MAPK10: variants seen among roughly 807,000 people sequenced by gnomAD.
MAPK10 encodes JNK3 alpha protein kinase.
In MAPK10, 25 loss-of-function variants were observed where a neutral mutation model predicts 59.3. That is an observed-to-expected ratio of 0.42 (90% CI 0.31 to 0.59). The LOEUF (loss-of-function observed/expected upper bound fraction) is 0.59, where lower values mean the gene tolerates loss of function less well. Ranked by LOEUF, MAPK10 falls within the 20% of genes least tolerant of loss-of-function variation. MAPK10 has a pLI of 0.15. For synonymous variants in MAPK10, 190 were observed against 200.5 expected (o/e 0.95, Z 0.44); for missense variants, 351 against 568.9 (o/e 0.62, Z 3.90).
At chr4:86,344,726 T>C (rs1727118773) in intron 2 of MAPK10, among the ~76,000 whole-genome samples, 1 of 152,120 alleles carries the variant, frequency 6.6e-6, no homozygotes. Context: ...AATCTGCCCA[T>C]TGAAAATGTC....
intron 11 of MAPK10, among the ~76,000 whole-genome samples, chr4:86,059,530 G>T (rs1243656285): frequency 6.6e-6 from 1 of 152,038 alleles, no homozygotes; most frequent in Non-Finnish European, 1.5e-5. Flanking sequence ...TGTTTCCCAG[G>T]TTATACTCTC....
chr4:86,567,985 C>G (rs4452393), intron 1 of MAPK10, among the ~76,000 whole-genome samples: 34,312 of 152,042 alleles, frequency 0.23, 4,589 homozygotes, highest in Admixed American at 0.3. Context: ...GGCATCCAAA[C>G]TGAAAAAGAG....
intron 1 of MAPK10, among the ~76,000 whole-genome samples, chr4:86,397,618 A>T (rs1743113022): frequency 6.6e-6 from 1 of 151,896 alleles, no homozygotes; most frequent in African/African-American, 2.4e-5. Flanking sequence ...CGGGTGTGAG[A>T]TCCCTTCTTT....
chr4:86,174,793 T>C (rs2075302390), intron 3 of MAPK10, among the ~76,000 whole-genome samples: 1 of 152,148 alleles, frequency 6.6e-6, no homozygotes, highest in African/African-American at 2.4e-5. Context: ...CACTGAGATT[T>C]GGAGTCTATT....
chr4:86,074,092 T>A (rs960073933), intron 9 of MAPK10, among the ~76,000 whole-genome samples: 1 of 108,858 alleles, frequency 9.2e-6, no homozygotes, highest in Middle Eastern at 3.9e-3. Flanking sequence ...ATTGGGTGCA[T>A]ATATATTTAG....
At chr4:86,485,982 G>A (rs561028302) in intron 1 of MAPK10, among the ~76,000 whole-genome samples, 1 of 152,326 alleles carries the variant, frequency 6.6e-6, no homozygotes, top group Admixed American at 6.5e-5. Flanking sequence ...TGCTATTTAA[G>A]CCCTCCAGTC....
At chr4:86,462,194 T>C (rs1275180977) in intron 1 of MAPK10, among the ~76,000 whole-genome samples, 1 of 152,224 alleles carries the variant, frequency 6.6e-6, no homozygotes, top group African/African-American at 2.4e-5. Context: ...CTGTGGACCC[T>C]TGCCAGCGGG....
intron 1 of MAPK10, among the ~76,000 whole-genome samples, chr4:86,578,658 CTTAA>C (rs1762059824): frequency 6.6e-6 from 1 of 151,590 alleles, no homozygotes; most frequent in African/African-American, 2.4e-5. Context: ...TAATTTTCAG[CTTAA>C]TTATTGTTTT....
intron 1 of MAPK10, among the ~76,000 whole-genome samples, chr4:86,422,507 A>G (rs1331204996): frequency 6.6e-6 from 1 of 152,212 alleles, no homozygotes; most frequent in African/African-American, 2.4e-5. Context: ...AAATGACAAC[A>G]TACTGTATCC....
chr4:86,212,336 A>G (rs2086074458), intron 2 of MAPK10, among the ~76,000 whole-genome samples: 1 of 151,960 alleles, frequency 6.6e-6, no homozygotes, highest in Non-Finnish European at 1.5e-5. Flanking sequence ...TGGGCAACAT[A>G]TCAAGACCTT....
At chr4:86,584,110 A>C (rs896105194) in intron 1 of MAPK10, among the ~76,000 whole-genome samples, 1 of 152,110 alleles carries the variant, frequency 6.6e-6, no homozygotes, top group Non-Finnish European at 1.5e-5. Flanking sequence ...TTTATTAGAG[A>C]CTTTGTGATA....
intron 1 of MAPK10, chr4:86,358,281 A>T (rs761524967): frequency 3.3e-5 from 33 of 985,320 alleles, no homozygotes; most frequent in Non-Finnish European, 3.9e-5. Flanking sequence ...TATGTTGATA[A>T]GCATTCTGTG....
chr4:86,450,887 C>T (rs1282499835), intron 1 of MAPK10, among the ~76,000 whole-genome samples: 1 of 152,104 alleles, frequency 6.6e-6, no homozygotes, highest in Non-Finnish European at 1.5e-5. Flanking sequence ...GTATTCTTTC[C>T]ATTAAAAGTT....
intron 4 of MAPK10, among the ~76,000 whole-genome samples, chr4:86,146,718 A>G (rs1358588745): frequency 2.6e-5 from 4 of 152,164 alleles, no homozygotes; most frequent in African/African-American, 9.7e-5. Flanking sequence ...TCTTTCCCCT[A>G]TCTACTTCCA....
chr4:86,133,912 G>C (rs941860936), intron 4 of MAPK10, among the ~76,000 whole-genome samples: 1 of 152,152 alleles, frequency 6.6e-6, no homozygotes, highest in African/African-American at 2.4e-5. Context: ...TGTAATCTTA[G>C]AATGGGATGA....
At chr4:86,262,700 A>C (rs2094051747) in intron 2 of MAPK10, among the ~76,000 whole-genome samples, 1 of 152,166 alleles carries the variant, frequency 6.6e-6, no homozygotes, top group African/African-American at 2.4e-5. Context: ...ACAGTGAAAA[A>C]AGGAAGCTAG....
chr4:86,091,132 T>C (rs1047192551), intron 9 of MAPK10: 1 of 151,964 alleles, frequency 6.6e-6, no homozygotes, highest in Admixed American at 6.6e-5. Context: ...CACAACTGCC[T>C]GGTACATAGC....
chr4:86,116,215 G>A (rs2058271627), intron 4 of MAPK10, among the ~76,000 whole-genome samples: 1 of 152,156 alleles, frequency 6.6e-6, no homozygotes, highest in Non-Finnish European at 1.5e-5. Context: ...AAATAAGAAA[G>A]TACCTTTCCA....
intron 2 of MAPK10, among the ~76,000 whole-genome samples, chr4:86,209,945 A>G (rs2085311888): frequency 1.3e-5 from 2 of 152,140 alleles, no homozygotes; most frequent in African/African-American, 4.8e-5. Flanking sequence ...CCAATGGAAC[A>G]AAAGAGAGAA....
Sources: allele counts gnomAD v4.1 joint callset (sites outside exome capture counted in the v4.1 genomes callset), GRCh38; gene constraint gnomAD v4.1.1; transcripts MANE v1.5; gene names NCBI Gene and HGNC (gene_info 2026-07-23, HGNC 2026-07-21).